ATRNL1: variants seen among roughly 807,000 people sequenced by gnomAD.
ATRNL1 encodes the protein attractin-like protein 1.
In ATRNL1, 95 loss-of-function variants were observed where a neutral mutation model predicts 182.7. The observed-to-expected ratio is 0.52, with a 90% CI of 0.44 to 0.62. The LOEUF is 0.62. ATRNL1 is among the 20% of genes least tolerant of loss of function. The pLI is 0.00. For synonymous variants in ATRNL1, 576 were observed against 568.3 expected, an observed-to-expected ratio of 1.01 and a Z score of -0.19; for missense variants, 1,471 against 1,679.5, an observed-to-expected ratio of 0.88 and a Z score of 2.17.
chr10:115,111,489 C>A (rs1220473795), intron 1 of ATRNL1, among the ~76,000 whole-genome samples: 4 of 152,132 alleles, frequency 2.6e-5, no homozygotes, highest in Admixed American at 6.5e-5. Flanking sequence ...CTACTCATGG[C>A]AGAAGGCAAA....
intron 14 of ATRNL1, among the ~76,000 whole-genome samples, chr10:115,284,583 A>G (rs1554918006): frequency 6.6e-6 from 1 of 152,230 alleles, no homozygotes; most frequent in Non-Finnish European, 1.5e-5. Flanking sequence ...TCCTTAGAGC[A>G]GCAACCGTGA....
intron 19 of ATRNL1, among the ~76,000 whole-genome samples, chr10:115,369,820 T>A (rs1857294002): frequency 6.6e-6 from 1 of 152,214 alleles, no homozygotes; most frequent in Admixed American, 6.5e-5. Context: ...TATTCCCTGA[T>A]GATAAATGAT....
chr10:115,367,937 G>C (rs1373627639), intron 19 of ATRNL1, among the ~76,000 whole-genome samples: 29 of 151,314 alleles, frequency 1.9e-4, no homozygotes, highest in African/African-American at 7.0e-4. Context: ...GTCAGACAGG[G>C]ACATTTAAGT....
intron 26 of ATRNL1, among the ~76,000 whole-genome samples, chr10:115,714,077 G>T: frequency 6.6e-6 from 1 of 152,118 alleles, no homozygotes; most frequent in African/African-American, 2.4e-5. Flanking sequence ...TTAAGGCCTT[G>T]GCCCTAGTTG....
chr10:115,169,058 G>A (rs1333563882), intron 7 of ATRNL1, among the ~76,000 whole-genome samples: 8 of 143,758 alleles, frequency 5.6e-5, no homozygotes, highest in Admixed American at 2.1e-4. Flanking sequence ...AGTTCTCCTA[G>A]CACCATTTGT....
At chr10:115,609,371 G>A (rs1358734499) in intron 26 of ATRNL1, among the ~76,000 whole-genome samples, 1 of 152,126 alleles carries the variant, frequency 6.6e-6, no homozygotes, top group Non-Finnish European at 1.5e-5. Context: ...TGAAGCACCA[G>A]AAGTTACACC....
At chr10:115,191,979 G>A (rs75222839) in intron 8 of ATRNL1, among the ~76,000 whole-genome samples, 3 of 152,032 alleles carry the variant, frequency 2.0e-5, no homozygotes, top group Admixed American at 1.3e-4. Context: ...TGACAACTTT[G>A]TATATTCTGG....
chr10:115,760,642 A>T (rs782067661), intron 27 of ATRNL1, among the ~76,000 whole-genome samples: 1 of 152,202 alleles, frequency 6.6e-6, no homozygotes, highest in South Asian at 2.1e-4. Flanking sequence ...ACACACACGT[A>T]TATAAAAAAC....
At chr10:115,366,855 C>A (rs1482477085) in intron 19 of ATRNL1, among the ~76,000 whole-genome samples, 1 of 144,760 alleles carries the variant, frequency 6.9e-6, no homozygotes, top group East Asian at 2.0e-4. Flanking sequence ...CCCCCACTCT[C>A]TTCTGGCTTG....
intron 19 of ATRNL1, among the ~76,000 whole-genome samples, chr10:115,363,309 A>T (rs1329447132): frequency 6.6e-6 from 1 of 151,940 alleles, no homozygotes; most frequent in South Asian, 2.1e-4. Context: ...GGCTGCATAA[A>T]TGTCTTCTTT....
intron 27 of ATRNL1, among the ~76,000 whole-genome samples, chr10:115,750,214 G>A (rs115857799): frequency 5.3e-5 from 8 of 151,784 alleles, no homozygotes; most frequent in African/African-American, 1.9e-4. Context: ...ACACTAATGG[G>A]CAGGTTGTTA....
At chr10:115,606,990 G>GTA (rs1163634860) in intron 26 of ATRNL1, among the ~76,000 whole-genome samples, 3 of 152,020 alleles carry the variant, frequency 2.0e-5, no homozygotes, top group South Asian at 2.1e-4. Flanking sequence ...GAGGGACATT[G>GTA]TCTTCTTGCA....
At chr10:115,310,137 T>C (rs782011939) in intron 17 of ATRNL1, among the ~76,000 whole-genome samples, 1 of 152,208 alleles carries the variant, frequency 6.6e-6, no homozygotes, top group Non-Finnish European at 1.5e-5. Context: ...TTAATTCATT[T>C]TATATGATGA....
chr10:115,262,174 A>AT (rs5788100), intron 10 of ATRNL1, among the ~76,000 whole-genome samples: 10,467 of 143,476 alleles, frequency 0.073, 646 homozygotes, highest in African/African-American at 0.17. Context: ...GGGGCAGTGG[A>AT]TTTTTTTTTT....
intron 24 of ATRNL1, among the ~76,000 whole-genome samples, chr10:115,500,703 G>T (rs1849782199): frequency 6.6e-6 from 1 of 151,658 alleles, no homozygotes; most frequent in Admixed American, 6.6e-5. Flanking sequence ...CACCACGCCT[G>T]GCTAATTTTG....
chr10:115,133,132 T>G (rs1477218440), intron 5 of ATRNL1, among the ~76,000 whole-genome samples: 1 of 152,218 alleles, frequency 6.6e-6, no homozygotes, highest in Non-Finnish European at 1.5e-5. Context: ...AGAGATCTAG[T>G]TTCAGCCTTC....
intron 27 of ATRNL1, among the ~76,000 whole-genome samples, chr10:115,831,057 GT>G (rs1221634648): frequency 6.6e-6 from 1 of 151,662 alleles, no homozygotes; most frequent in Admixed American, 6.6e-5. Flanking sequence ...ATTTTTCCAC[GT>G]TTTCTGGAAA....
At chr10:115,920,838 A>G (rs1555118531) in intron 28 of ATRNL1, among the ~76,000 whole-genome samples, 1 of 152,260 alleles carries the variant, frequency 6.6e-6, no homozygotes, top group East Asian at 1.9e-4. Flanking sequence ...AAATTGCAAA[A>G]AACAGTTTTT....
intron 25 of ATRNL1, among the ~76,000 whole-genome samples, chr10:115,522,671 A>C (rs782090176): frequency 1.3e-5 from 2 of 152,108 alleles, no homozygotes; most frequent in Non-Finnish European, 2.9e-5. Flanking sequence ...TTCAGCATCA[A>C]CTCAGAAGTC....
Sources: gnomAD v4.1 joint callset for allele counts (sites outside exome capture counted in the v4.1 genomes callset) on GRCh38, gnomAD v4.1.1 for gene constraint, MANE v1.5 for transcripts, NCBI Gene and HGNC (gene_info 2026-07-23, HGNC 2026-07-21) for gene names.